TRPM3: variants seen among roughly 807,000 people sequenced by gnomAD.
The protein encoded by TRPM3 is long transient receptor potential channel 3.
In TRPM3, 77 loss-of-function variants were observed where a neutral mutation model predicts 181.2. That is an observed-to-expected ratio of 0.42 (90% CI 0.35 to 0.51). The LOEUF is 0.51. TRPM3 is among the 20% of genes least tolerant of loss of function. TRPM3 has a pLI of 0.01. For missense variants in TRPM3, 1,759 were observed against 2,196.7 expected (o/e 0.80, Z 3.98); for synonymous variants, 745 against 796.4 (o/e 0.94, Z 1.09).
intron 1 of TRPM3, among the ~76,000 whole-genome samples, chr9:71,171,168 A>T (rs1312260226): frequency 1.3e-5 from 2 of 152,164 alleles, no homozygotes; most frequent in East Asian, 3.9e-4. Flanking sequence ...TTGATCTCAA[A>T]ACCCTGTCTC....
chr9:71,173,614 A>G (rs972823827), intron 1 of TRPM3, among the ~76,000 whole-genome samples: 3 of 152,222 alleles, frequency 2.0e-5, no homozygotes, highest in Non-Finnish European at 4.4e-5. Context: ...AGGTGCATGA[A>G]TTCCTCATGG....
chr9:70,915,572 T>G (rs1172847494), intron 1 of TRPM3, among the ~76,000 whole-genome samples: 1 of 151,918 alleles, frequency 6.6e-6, no homozygotes, highest in East Asian at 1.9e-4. Context: ...CCCACAGTGC[T>G]GGGATTACAG....
At chr9:71,068,325 C>T (rs544906274) in intron 1 of TRPM3, among the ~76,000 whole-genome samples, 2 of 152,198 alleles carry the variant, frequency 1.3e-5, no homozygotes, top group Non-Finnish European at 2.9e-5. Flanking sequence ...GAGGACTGTA[C>T]TTTCTCAATT....
At chr9:71,351,699 T>TA (rs1458524665) in intron 1 of TRPM3, among the ~76,000 whole-genome samples, 3 of 152,274 alleles carry the variant, frequency 2.0e-5, no homozygotes, top group African/African-American at 4.8e-5. Flanking sequence ...CATAACATTT[T>TA]AAAATGTCCA....
At chr9:71,436,294 CTTTCTTTTTTTTTTTT>C in intron 1 of TRPM3, among the ~76,000 whole-genome samples, 1 of 45,568 alleles carries the variant, frequency 2.2e-5, no homozygotes, top group African/African-American at 4.2e-5. Context: ...TTTTTTTTTT[CTTTCTTTTTTTTTTTT>C]TTTTTTTTTT....
intron 1 of TRPM3, among the ~76,000 whole-genome samples, chr9:70,893,460 A>C (rs547958119): frequency 1.3e-5 from 2 of 152,322 alleles, no homozygotes; most frequent in South Asian, 4.1e-4. Context: ...CACTATATAA[A>C]TATGTTATGA....
Position 70,536,910 on chromosome 9 carries a change from A to G in TRPM3, c.4203T>C (p.Ile1401=), listed in dbSNP as rs765546832. The change falls in exon 26 of 26, where the codon ATT becomes ATC. Residue 1401 remains isoleucine, a synonymous_variant. Transcript: ENST00000677713. ...ATGATGGTCTTCTGGAATCAGGAAC[A>G]ATGGCCAAGGTGTTGGCAGGGGCTG... ...APAAPANTLA[I]VPDSRRPSSC... is the part of the protein sequence containing the mutation. 2.7e-5 allele frequency: 43 copies of G among 1,614,076 alleles called. No individual in the cohort carries two copies. Among genetic ancestry groups the G allele is most frequent in the Non-Finnish European group, 3.6e-5 (43 of 1,180,052 alleles).
intron 1 of TRPM3, among the ~76,000 whole-genome samples, chr9:70,998,252 T>C (rs3010442): frequency 0.063 from 6,422 of 101,616 alleles, 195 homozygotes; most frequent in African/African-American, 0.11. Context: ...CACACACACA[T>C]ATATATATAT....
chr9:71,253,208 C>T (rs2082457727), intron 1 of TRPM3, among the ~76,000 whole-genome samples: 1 of 152,064 alleles, frequency 6.6e-6, no homozygotes, highest in Non-Finnish European at 1.5e-5. Context: ...TGAAAGATGT[C>T]CAACAAATGT....
chr9:70,572,201 G>T (rs576340043), intron 22 of TRPM3, among the ~76,000 whole-genome samples: 2 of 151,862 alleles, frequency 1.3e-5, no homozygotes, highest in Non-Finnish European at 2.9e-5. Flanking sequence ...TGTGGAATTC[G>T]TAATGCTTTC....
intron 1 of TRPM3, among the ~76,000 whole-genome samples, chr9:71,308,796 T>G (rs2087630465): frequency 6.6e-6 from 1 of 152,140 alleles, no homozygotes; most frequent in African/African-American, 2.4e-5. Context: ...TGAGACTGAT[T>G]GCCAATCTTT....
intron 1 of TRPM3, among the ~76,000 whole-genome samples, chr9:71,331,861 GGAGGAGGAGGA>G (rs1565470604): frequency 2.4e-4 from 2 of 8,410 alleles, no homozygotes. Flanking sequence ...AAGAGGAGAC[GGAGGAGGAGGA>G]AGAAAGAGGA....
At chr9:71,132,546 A>G (rs1295793280) in intron 1 of TRPM3, among the ~76,000 whole-genome samples, 1 of 152,212 alleles carries the variant, frequency 6.6e-6, no homozygotes, top group Non-Finnish European at 1.5e-5. Context: ...ATAAAGTGGC[A>G]GTTACACAAC....
chr9:71,027,453 A>C (rs2056713817), intron 1 of TRPM3, among the ~76,000 whole-genome samples: 1 of 152,226 alleles, frequency 6.6e-6, no homozygotes. Context: ...AGGGTTCTTA[A>C]CTGGGCTGAG....
At chr9:71,133,598 G>A (rs2074517738) in intron 1 of TRPM3, among the ~76,000 whole-genome samples, 1 of 152,072 alleles carries the variant, frequency 6.6e-6, no homozygotes, top group South Asian at 2.1e-4. Context: ...GCGCCCGGCT[G>A]CTTCTTCTTT....
At chr9:71,262,743 C>T (rs963947084) in intron 1 of TRPM3, among the ~76,000 whole-genome samples, 18 of 152,094 alleles carry the variant, frequency 1.2e-4, no homozygotes, top group Admixed American at 4.6e-4. Flanking sequence ...TAGCACTGTC[C>T]CTCACAGCAC....
At chr9:70,787,763 CTTTTTTTTTTTT>C in intron 6 of TRPM3, among the ~76,000 whole-genome samples, 1 of 68,558 alleles carries the variant, frequency 1.5e-5, no homozygotes, top group South Asian at 8.4e-4. Context: ...TTTTTGGATT[CTTTTTTTTTTTT>C]TTTTTTTTTT....
intron 9 of TRPM3, among the ~76,000 whole-genome samples, chr9:70,664,388 G>A (rs2061525873): frequency 6.6e-6 from 1 of 152,092 alleles, no homozygotes. Context: ...CTTCTATTGA[G>A]GCTTTCTTTT....
chr9:71,156,376 G>GACACACACACACACACAC (rs71507025), intron 1 of TRPM3, among the ~76,000 whole-genome samples: 1 of 138,372 alleles, frequency 7.2e-6, no homozygotes, highest in Non-Finnish European at 1.6e-5. Context: ...ATATACTACA[G>GACACACACACACACACAC]ACACACACAC....
Sources: allele counts gnomAD v4.1 joint callset (sites outside exome capture counted in the v4.1 genomes callset), GRCh38; gene constraint gnomAD v4.1.1; transcripts MANE v1.5; gene names NCBI Gene and HGNC (gene_info 2026-07-23, HGNC 2026-07-21).